The following BSND variants were observed in gnomAD, a reference collection of about 807,000 sequenced individuals.
The protein encoded by BSND is barttin.
BSND carries 13 observed loss-of-function variants against 18.8 expected under a neutral mutation model. That is an observed-to-expected ratio of 0.69 (90% CI 0.45 to 1.10). The LOEUF (loss-of-function observed/expected upper bound fraction) is 1.10, where lower values mean the gene tolerates loss of function less well. Among genes scored for constraint, BSND ranks in the 50% least tolerant of loss-of-function variants. BSND has a pLI of 0.00. For missense variants in BSND, 379 were observed against 416.7 expected, an observed-to-expected ratio of 0.91 and a Z score of 0.79; for synonymous variants, 170 against 161.8, an observed-to-expected ratio of 1.05 and a Z score of -0.39.
chr1:55,013,054 G>C lies in BSND; in HGVS notation c.*4426G>C, dbSNP rs1644430312. Among the ~76,000 whole-genome samples the C allele has an allele frequency of 7.1e-6, 1 of 141,430 alleles. No homozygotes were observed. The highest frequency in any genetic ancestry group is 6.7e-5 in the Admixed American group (1 of 14,896). The allele number at this position is 141,430 out of a possible 152,430, so 92.8% of individuals were successfully genotyped here. On this transcript the variant is annotated 3_prime_UTR_variant, in exon 4 of 4. Transcript: ENST00000651561. ...CTGTGCTCTTCCCACGATGCCACCT[G>C]GTCCACGTCATAAGACTCAACAATG...
intron 1 of BSND, among the ~76,000 whole-genome samples, chr1:55,001,048 G>A (rs1390870903): frequency 2.6e-5 from 4 of 152,174 alleles, no homozygotes; most frequent in Admixed American, 6.5e-5. Context: ...TGGAGGCAGC[G>A]TGGTGGGCTG....
chr1:55,008,378 T>A lies in BSND; in HGVS notation c.713T>A (p.Phe238Tyr), dbSNP rs752564097. The change falls in exon 4 of 4, where the codon TTC becomes TAC. Residue 238 changes from phenylalanine (F) to tyrosine (Y), a missense_variant. Coordinates refer to ENST00000651561, the MANE Select transcript of BSND (RefSeq NM_057176.3). ...GGCTGCAGGTGCCCGCTGGACCGCT[T>A]CCAAGACTTTGCCCTGATTGATGCC... is the stretch of plus-strand genomic sequence containing the variant. ...PQGCRCPLDR[F>Y]QDFALIDAPT... The A allele has an allele frequency of 1.3e-5, 21 of 1,614,122 alleles. No homozygotes were observed. Among genetic ancestry groups the A allele is most frequent in the Non-Finnish European group, 1.8e-5 (21 of 1,180,056 alleles).
In BSND at chr1:55,008,496, G is replaced by T. The variant is rs143916830; in HGVS notation, c.831G>T (p.Glu277Asp). 1 of 1,614,250 alleles carries T rather than the reference G, an allele frequency of 6.2e-7. No individual in the cohort carries two copies. The highest frequency in any genetic ancestry group is 1.1e-5 in the South Asian group (1 of 91,092). ...WQRYPRTKVE[E>D]KEASDTGGEE... ...GGTACCCAAGGACAAAGGTGGAGGAGAAGGAGGCTTCGGACACAGGTGGGG... is the reference window on the plus strand; with the variant it reads ...GGTACCCAAGGACAAAGGTGGAGGATAAGGAGGCTTCGGACACAGGTGGGG... The change falls in exon 4 of 4, where the codon GAG becomes GAT. Residue 277 changes from glutamate (E) to aspartate (D), a missense_variant. Physicochemically the swap from Glu to Asp is conservative, Grantham distance 45. Transcript: ENST00000651561.
intron 1 of BSND, among the ~76,000 whole-genome samples, chr1:55,001,175 G>T (rs531910218): frequency 2.2e-4 from 33 of 151,504 alleles, no homozygotes; most frequent in Middle Eastern, 3.4e-3. Context: ...AGCCTTGTAC[G>T]GCTGATTGGG....
chr1:55,013,396 C>G lies in BSND; in HGVS notation c.*4768C>G, dbSNP rs1426042030. 1.3e-5 allele frequency among the ~76,000 whole-genome samples: 2 copies of G among 152,180 alleles called. No homozygotes were observed. Among genetic ancestry groups the G allele is most frequent in the African/African-American group, 4.8e-5 (2 of 41,432 alleles). ...CAGGCTGGTCTTGTACCCCTGACCTCAGATGATCTACCCGCCTCAGCCTCC... is the reference window on the plus strand; with the variant it reads ...CAGGCTGGTCTTGTACCCCTGACCTGAGATGATCTACCCGCCTCAGCCTCC... On this transcript the variant is annotated 3_prime_UTR_variant, in exon 4 of 4. Transcript: ENST00000651561.
chr1:55,008,726 G>A lies in BSND; in HGVS notation c.*98G>A. The A allele has an allele frequency of 6.4e-7, 1 of 1,562,284 alleles. No individual in the cohort carries two copies. The highest frequency in any genetic ancestry group is 8.8e-7 in the Non-Finnish European group (1 of 1,137,292). Reference sequence around the variant, plus strand: ...CCCTATCTGCAAAATGGGATGATATGGAGGTTCAATGAGATGGTGGCATTT... The same window carrying A: ...CCCTATCTGCAAAATGGGATGATATAGAGGTTCAATGAGATGGTGGCATTT... On this transcript the variant is annotated 3_prime_UTR_variant, in exon 4 of 4. Coordinates refer to ENST00000651561, the MANE Select transcript of BSND (RefSeq NM_057176.3).
chr1:55,009,164 T>C lies in BSND; in HGVS notation c.*536T>C. 5.7e-6 allele frequency: 1 copy of C among 175,344 alleles called. No individual in the cohort carries two copies. 10.9% of individuals were successfully genotyped at this position (175,344 alleles called of 1,614,324 possible). ...ACCTCATTCTCTCTGCTCCTCCAGTTCCAAGCCTAGCCCCCCTGCCCATCT... is the reference window on the plus strand; with the variant it reads ...ACCTCATTCTCTCTGCTCCTCCAGTCCCAAGCCTAGCCCCCCTGCCCATCT... On this transcript the variant is annotated 3_prime_UTR_variant, in exon 4 of 4. Coordinates refer to ENST00000651561, the MANE Select transcript of BSND (RefSeq NM_057176.3).
chr1:55,000,070 T>A (rs1644353956), intron 1 of BSND, among the ~76,000 whole-genome samples: 1 of 152,156 alleles, frequency 6.6e-6, no homozygotes, highest in Non-Finnish European at 1.5e-5. Flanking sequence ...CTGAGCCTCA[T>A]TTTTTTCATC....
intron 3 of BSND, 53 bp downstream of exon 3, chr1:55,007,325 A>G: frequency 1.2e-6 from 1 of 850,228 alleles, no homozygotes; most frequent in South Asian, 1.6e-5. Flanking sequence ...AGGGTTAAAA[A>G]GGAGAGGAGT....
rs1344350325 is a variant in BSND, at chr1:55,015,172, T to C, written c.*6544T>C. 6.6e-6 allele frequency among the ~76,000 whole-genome samples: 1 copy of C among 152,214 alleles called. No individual in the cohort carries two copies. The highest frequency in any genetic ancestry group is 2.4e-5 in the African/African-American group (1 of 41,460). ...AAAAGGGAAAGGTGGCACGTATTGG[T>C]GGCAAGAAGGCTGGTTTGTGCCCTG... On this transcript the variant is annotated 3_prime_UTR_variant, in exon 4 of 4. Coordinates refer to ENST00000651561, the MANE Select transcript of BSND (RefSeq NM_057176.3).
Position 55,012,280 on chromosome 1 carries a change from TGTCACCATGCAAGACACC to T in BSND, c.*3659_*3676del, listed in dbSNP as rs1212989057. Among the ~76,000 whole-genome samples, 2 of 152,176 alleles carry T rather than the reference TGTCACCATGCAAGACACC, an allele frequency of 1.3e-5. No individual in the cohort carries two copies. The highest frequency in any genetic ancestry group is 2.9e-5 in the Non-Finnish European group (2 of 68,030). ...TCCCAGTCCCTGAGCACTGTGTGCC[TGTCACCATGCAAGACACC>T]GTCACCCCTATTACCCTATCTAGTC... On this transcript the variant is annotated 3_prime_UTR_variant, in exon 4 of 4. Transcript: ENST00000651561.
chr1:55,015,606 G>A lies in BSND; in HGVS notation c.*6978G>A, dbSNP rs1039731840. On this transcript the variant is annotated 3_prime_UTR_variant, in exon 4 of 4. Transcript: ENST00000651561. ...GCAAGCCTGGGGGTAAGGAGGGCTA[G>A]ATTTTATCTAGTCATGTGTTCATTC... Among the ~76,000 whole-genome samples, 5 of 152,222 alleles carry A rather than the reference G, an allele frequency of 3.3e-5. No homozygotes were observed. Among genetic ancestry groups the A allele is most frequent in the Non-Finnish European group, 7.4e-5 (5 of 68,024 alleles).
chr1:55,008,729 G>C lies in BSND; in HGVS notation c.*101G>C. 6.5e-7 allele frequency: 1 copy of C among 1,526,912 alleles called. No homozygotes were observed. The highest frequency in any genetic ancestry group is 9.0e-7 in the Non-Finnish European group (1 of 1,105,888). 94.6% of individuals were successfully genotyped at this position (1,526,912 alleles called of 1,614,324 possible). A position where few individuals can be genotyped will look rare whatever the true frequency, so the allele number is the denominator to read the frequency against. The stretch of plus-strand genomic sequence containing the variant: ...TATCTGCAAAATGGGATGATATGGA[G>C]GTTCAATGAGATGGTGGCATTTTGA... On this transcript the variant is annotated 3_prime_UTR_variant, in exon 4 of 4. Coordinates refer to ENST00000651561, the MANE Select transcript of BSND (RefSeq NM_057176.3).
rs1336083457 is a variant in BSND, at chr1:55,013,901, C to T, written c.*5273C>T. On this transcript the variant is annotated 3_prime_UTR_variant, in exon 4 of 4. Coordinates refer to ENST00000651561, the MANE Select transcript of BSND (RefSeq NM_057176.3). ...CTTGGCTCATGCTGTTCCCTCCACC[C>T]AGGTGCCCTTCATCCCCTTCTCTGT... Among the ~76,000 whole-genome samples, 2 of 152,212 alleles carry T rather than the reference C, an allele frequency of 1.3e-5. No homozygotes were observed. Among genetic ancestry groups the T allele is most frequent in the African/African-American group, 2.4e-5 (1 of 41,440 alleles).
rs1644402996 is a variant in BSND at position 55,008,412 on chromosome 1, G to A, written c.747G>A (p.Leu249=). ...QDFALIDAPT[L]EDEPQEGQQW... ...TTGCCCTGATTGATGCCCCAACGTT[G>A]GAGGATGAGCCCCAAGAGGGGCAGC... Residue 249 remains leucine, a synonymous_variant, in exon 4 of 4, where the codon TTG becomes TTA. Coordinates refer to ENST00000651561, the MANE Select transcript of BSND (RefSeq NM_057176.3). The A allele has an allele frequency of 2.5e-6, 4 of 1,614,104 alleles. No homozygotes were observed. In the Admixed American group the frequency reaches 5.0e-5, roughly 20 times the overall value.
At chr1:55,000,305 C>T (rs1644354828) in intron 1 of BSND, among the ~76,000 whole-genome samples, 1 of 152,144 alleles carries the variant, frequency 6.6e-6, no homozygotes, top group South Asian at 2.1e-4. Flanking sequence ...CTTCCAAGGT[C>T]ACACAGCTGG....
At chr1:55,001,201 CGT>C (rs36051858) in intron 1 of BSND, among the ~76,000 whole-genome samples, 51,335 of 136,540 alleles carry the variant, frequency 0.38, 8,741 homozygotes, top group Non-Finnish European at 0.39. Context: ...ACAGTGGGAT[CGT>C]GTGTGTGTGT....
rs1379126787 is a variant in BSND, at chr1:55,017,089, C to G, written c.*8461C>G. Among the ~76,000 whole-genome samples the G allele has an allele frequency of 6.6e-6, 1 of 152,202 alleles. No individual in the cohort carries two copies. The highest frequency in any genetic ancestry group is 1.5e-5 in the Non-Finnish European group (1 of 68,038). On this transcript the variant is annotated 3_prime_UTR_variant, in exon 4 of 4. Transcript: ENST00000651561. Reference sequence around the variant, plus strand: ...ACGCTAAGCTCTGTGAAGGCAAGGACTCTATTACGTTCATTATTGTGCCCT... The same window carrying G: ...ACGCTAAGCTCTGTGAAGGCAAGGAGTCTATTACGTTCATTATTGTGCCCT...
chr1:55,008,279 C>T lies in BSND; in HGVS notation c.614C>T (p.Ser205Phe), dbSNP rs755650865. 3.1e-6 allele frequency: 5 copies of T among 1,614,202 alleles called. No homozygotes were observed. In the South Asian group the frequency reaches 5.5e-5, roughly 18 times the overall value. Residue 205 changes from serine (S) to phenylalanine (F), a missense_variant, in exon 4 of 4, where the codon TCC (serine) becomes TTC (phenylalanine). Transcript: ENST00000651561. ...TTCCAAGATGACCTGGACATGGACT[C>T]CAGTGAAGGCAGCAGCCCCAATGCA... ...ASFQDDLDMD[S>F]SEGSSPNASP...
Sources: gnomAD v4.1 joint callset for allele counts (sites outside exome capture counted in the v4.1 genomes callset) on GRCh38, gnomAD v4.1.1 for gene constraint, MANE v1.5 for transcripts, NCBI Gene and HGNC (gene_info 2026-07-23, HGNC 2026-07-21) for gene names.